The following SLF1 variants were observed in gnomAD, a reference collection of about 807,000 sequenced individuals.
SLF1 encodes the protein SMC5/6 complex localization factor 1.
In SLF1, 105 loss-of-function variants were observed where a neutral mutation model predicts 123.0. That is an observed-to-expected ratio of 0.85 (90% CI 0.73 to 1.00). SLF1 has a LOEUF of 1.00. SLF1 is among the 50% of genes least tolerant of loss of function. The probability of loss-of-function intolerance (pLI) is 0.00; values close to 1 mark genes in which losing one functional copy is unlikely to be tolerated. For synonymous variants in SLF1, 434 were observed against 406.6 expected (o/e 1.07, Z -0.81); for missense variants, 1,239 against 1,223.0 (o/e 1.01, Z -0.20).
chr5:94,641,782 G>A (rs938768204), intron 4 of SLF1, among the ~76,000 whole-genome samples: 1 of 152,072 alleles, frequency 6.6e-6, no homozygotes, highest in Non-Finnish European at 1.5e-5. Flanking sequence ...CATACTATTG[G>A]TCCCTGGGTT....
At chr5:94,669,087 A>G (rs914360787) in intron 12 of SLF1, among the ~76,000 whole-genome samples, 2 of 152,200 alleles carry the variant, frequency 1.3e-5, no homozygotes, top group African/African-American at 4.8e-5. Flanking sequence ...TCATTTCAAA[A>G]TAATGGGGTA....
intron 15 of SLF1, among the ~76,000 whole-genome samples, chr5:94,685,281 A>T (rs1752283299): frequency 6.6e-6 from 1 of 152,212 alleles, no homozygotes; most frequent in African/African-American, 2.4e-5. Context: ...TTAAAACTAT[A>T]TTTTAACTTA....
chr5:94,642,221 G>T (rs1296706942), intron 4 of SLF1, among the ~76,000 whole-genome samples: 2 of 152,138 alleles, frequency 1.3e-5, no homozygotes, highest in African/African-American at 4.8e-5. Context: ...TCCGTTAATG[G>T]CAGCCAGTCA....
intron 15 of SLF1, among the ~76,000 whole-genome samples, chr5:94,684,427 G>A (rs565856151): frequency 4.4e-4 from 67 of 152,124 alleles, no homozygotes; most frequent in African/African-American, 1.5e-3. Context: ...GGCCAGGTGC[G>A]GTGGGTCACC....
At chr5:94,644,510 T>C (rs975303749) in intron 5 of SLF1, among the ~76,000 whole-genome samples, 4 of 152,194 alleles carry the variant, frequency 2.6e-5, no homozygotes, top group Non-Finnish European at 5.9e-5. Context: ...TTATCTATGC[T>C]CACTATGCTA....
intron 20 of SLF1, 138 bp downstream of exon 20, chr5:94,692,394 A>G: frequency 1.2e-6 from 1 of 868,474 alleles, no homozygotes; most frequent in Non-Finnish European, 1.7e-6. Context: ...AGTAAGGATA[A>G]AAAGTCTCCT....
chr5:94,625,819 T>C (rs774133567), intron 1 of SLF1, among the ~76,000 whole-genome samples: 141 of 152,348 alleles, frequency 9.3e-4, no homozygotes, highest in Non-Finnish European at 3.4e-4. Context: ...TGTGTTCATA[T>C]GTGTTCTGCA....
At chr5:94,664,656 C>T (rs61435646) in intron 11 of SLF1, among the ~76,000 whole-genome samples, 327 of 148,582 alleles carry the variant, frequency 2.2e-3, no homozygotes, top group African/African-American at 7.8e-3. Flanking sequence ...AAGCATGTTG[C>T]ATGAATAGTT....
chr5:94,652,031 T>C (rs1747798435), intron 7 of SLF1, among the ~76,000 whole-genome samples, 186 bp downstream of exon 7: 1 of 151,444 alleles, frequency 6.6e-6, no homozygotes, highest in South Asian at 2.1e-4. Flanking sequence ...TTTTTTGAGA[T>C]GGAGTCTTGC....
intron 11 of SLF1, among the ~76,000 whole-genome samples, chr5:94,665,477 G>A (rs1481887228): frequency 1.3e-5 from 2 of 152,180 alleles, no homozygotes; most frequent in African/African-American, 2.4e-5. Context: ...TAGGCCGGGC[G>A]TGGTGGCTCA....
intron 15 of SLF1, among the ~76,000 whole-genome samples, chr5:94,681,946 T>C (rs1751829238): frequency 6.6e-6 from 1 of 152,186 alleles, no homozygotes; most frequent in South Asian, 2.1e-4. Flanking sequence ...CAAAAAATAA[T>C]GTTTAAAACT....
chr5:94,675,414 C>T (rs906674288), intron 14 of SLF1, among the ~76,000 whole-genome samples: 1 of 152,022 alleles, frequency 6.6e-6, no homozygotes, highest in Non-Finnish European at 1.5e-5. Flanking sequence ...TTCAGTATTC[C>T]AAGAAAGCTG....
At chr5:94,643,973 T>G (rs1195792466) in intron 5 of SLF1, among the ~76,000 whole-genome samples, 1 of 152,142 alleles carries the variant, frequency 6.6e-6, no homozygotes, top group Non-Finnish European at 1.5e-5. Context: ...ATCTTCATTG[T>G]TTCCCATCTC....
chr5:94,660,126 G>A (rs545156228), intron 9 of SLF1, among the ~76,000 whole-genome samples: 1 of 152,314 alleles, frequency 6.6e-6, no homozygotes, highest in South Asian at 2.1e-4. Flanking sequence ...CAGCAGCAGT[G>A]GCAGTTGGCA....
At chr5:94,650,984 A>G (rs1266104749) in intron 6 of SLF1, among the ~76,000 whole-genome samples, 1 of 152,210 alleles carries the variant, frequency 6.6e-6, no homozygotes, top group Non-Finnish European at 1.5e-5. Flanking sequence ...AAATACATCT[A>G]CAGTCATGTA....
In SLF1 at chr5:94,637,920, G is replaced by A. The variant is rs557638063; in HGVS notation, c.432-5353G>A. 8.4e-4 allele frequency among the ~76,000 whole-genome samples: 128 copies of A among 152,164 alleles called. 2 individuals carry two copies. The highest frequency in any genetic ancestry group is 4.7e-3 in the Admixed American group (72 of 15,294). ...CCAGTTGTGGCAGAACTAGCCCCTG[G>A]TTTTTTATATTGGTGATGTGGTGAG... On this transcript the variant is annotated intron_variant, in intron 4 of 20. Transcript: ENST00000265140.
intron 9 of SLF1, among the ~76,000 whole-genome samples, chr5:94,656,289 A>G (rs1449748536): frequency 1.3e-5 from 2 of 151,978 alleles, no homozygotes; most frequent in African/African-American, 2.4e-5. Flanking sequence ...GATAAATCAT[A>G]GTGTACACTT....
chr5:94,673,743 A>G (rs1750735408), intron 14 of SLF1, among the ~76,000 whole-genome samples: 1 of 151,448 alleles, frequency 6.6e-6, no homozygotes, highest in Non-Finnish European at 1.5e-5. Context: ...GGCCTTCATT[A>G]GAAATAGAAG....
intron 14 of SLF1, among the ~76,000 whole-genome samples, chr5:94,677,633 AT>A (rs894585059): frequency 2.0e-5 from 3 of 152,126 alleles, no homozygotes; most frequent in Non-Finnish European, 2.9e-5. Flanking sequence ...TAATTTAGTG[AT>A]TTTTTTTCCT....
Sources: allele counts gnomAD v4.1 joint callset (sites outside exome capture counted in the v4.1 genomes callset), GRCh38; gene constraint gnomAD v4.1.1; transcripts MANE v1.5; gene names NCBI Gene and HGNC (gene_info 2026-07-23, HGNC 2026-07-21).